The following FAM133B variants were observed in gnomAD, a reference collection of about 807,000 sequenced individuals.
FAM133B encodes the protein protein FAM133B.
In FAM133B, 25 loss-of-function variants were observed where a neutral mutation model predicts 46.4. The ratio of observed to expected loss-of-function variants is 0.54; its 90% CI spans 0.39 to 0.75. The LOEUF is 0.75. Ranked by LOEUF, FAM133B falls within the 30% of genes least tolerant of loss-of-function variation. The pLI, the probability that FAM133B is intolerant of heterozygous loss-of-function variation, is 0.00. For synonymous variants in FAM133B, 75 were observed against 86.0 expected (o/e 0.87, Z 0.71); for missense variants, 205 against 277.6 (o/e 0.74, Z 1.86).
intron 5 of FAM133B, chr7:92,577,942 C>G (rs953793252): frequency 1.1e-5 from 7 of 650,302 alleles, no homozygotes; most frequent in Non-Finnish European, 1.6e-5. Context: ...TAAATAGCAA[C>G]AGAAAATGTA....
At chr7:92,570,823 G>A (rs1422590039) in intron 8 of FAM133B, among the ~76,000 whole-genome samples, 1 of 152,036 alleles carries the variant, frequency 6.6e-6, no homozygotes, top group Non-Finnish European at 1.5e-5. Context: ...TGTTATTTTG[G>A]CCAAAATGTT....
chr7:92,584,078 G>C (rs1459074803), intron 1 of FAM133B, among the ~76,000 whole-genome samples: 1 of 130,296 alleles, frequency 7.7e-6, no homozygotes, highest in South Asian at 2.4e-4. Context: ...AAAAAAGAAA[G>C]GGTCTTGCTC....
chr7:92,589,998 C>G (rs1795148983), intron 1 of FAM133B: 1 of 549,510 alleles, frequency 1.8e-6, no homozygotes, highest in Non-Finnish European at 3.2e-6. Context: ...GGCCCGCGTA[C>G]AGCAGGCAAG....
rs1794758140 is a variant in FAM133B, at chr7:92,578,164, T to C, written c.295A>G (p.Lys99Glu). The change falls in exon 5 of 11, where the codon AAG becomes GAG. Residue 99 changes from lysine to glutamate, a missense_variant. By Grantham distance (56) the Lys-to-Glu change is moderately conservative. Coordinates refer to ENST00000445716, the MANE Select transcript of FAM133B (RefSeq NM_152789.4). ...KKRQRKKKEK[K>E]KSGRYSSSSS... Reference sequence around the variant, plus strand: ...TTTTTGCTCACCCTACCAGATTTCTTCTTTTCTTTTTTCTTTCTCTAAATG... The same window carrying C: ...TTTTTGCTCACCCTACCAGATTTCTCCTTTTCTTTTTTCTTTCTCTAAATG... 3.1e-6 allele frequency: 5 copies of C among 1,610,268 alleles called. No individual in the cohort carries two copies. The highest frequency in any genetic ancestry group is 1.3e-5 in the African/African-American group (1 of 74,662).
rs1794796550 is a variant in FAM133B, at chr7:92,579,340, C to T, written c.178G>A (p.Glu60Lys). ...KKKKGSKALA[E>K]FEEKMNENWK... The stretch of plus-strand genomic sequence containing the variant: ...ACCTCATTCATTTTTTCTTCAAATT[C>T]AGCCAAAGCCTTGGAGCCTTTCTTT... The change falls in exon 3 of 11, where the codon GAA becomes AAA. Residue 60 changes from glutamate (E) to lysine (K), a missense_variant. Physicochemically the swap from Glu to Lys is moderately conservative, Grantham distance 56. Coordinates refer to ENST00000445716, the MANE Select transcript of FAM133B (RefSeq NM_152789.4). The T allele has an allele frequency of 6.2e-7, 1 of 1,609,426 alleles. No homozygotes were observed. The highest frequency in any genetic ancestry group is 1.3e-5 in the African/African-American group (1 of 74,636).
At chr7:92,573,689 C>T (rs11971405) in intron 8 of FAM133B, among the ~76,000 whole-genome samples, 77 of 151,578 alleles carry the variant, frequency 5.1e-4, no homozygotes, top group African/African-American at 1.8e-3. Context: ...AGGGTAACCA[C>T]TTATTTTATA....
At chr7:92,565,150 T>A (rs891938439) in intron 10 of FAM133B, among the ~76,000 whole-genome samples, 1 of 71,674 alleles carries the variant, frequency 1.4e-5, no homozygotes, top group East Asian at 4.5e-4. Context: ...CTTATATTTC[T>A]TTTTTTTTTT....
Position 92,583,901 on chromosome 7 carries a change from T to G in FAM133B, c.25-2298A>C, listed in dbSNP as rs1429468656. Among the ~76,000 whole-genome samples, 2 of 151,552 alleles carry G rather than the reference T, an allele frequency of 1.3e-5. 1 individual carries two copies. Among genetic ancestry groups the G allele is most frequent in the Non-Finnish European group, 2.9e-5 (2 of 67,888 alleles). On this transcript the variant is annotated intron_variant, in intron 1 of 10. Coordinates refer to ENST00000445716, the MANE Select transcript of FAM133B (RefSeq NM_152789.4). Reference sequence around the variant, plus strand: ...CTGTCTCTACTAAAAACACAAAAATTAGCTGAGTGTGGTGGCGGGTGCCTA... The same window carrying G: ...CTGTCTCTACTAAAAACACAAAAATGAGCTGAGTGTGGTGGCGGGTGCCTA...
At chr7:92,564,554 C>T (rs76162647) in intron 10 of FAM133B, among the ~76,000 whole-genome samples, 8,249 of 152,290 alleles carry the variant, frequency 0.054, 292 homozygotes, top group Non-Finnish European at 0.08. Context: ...AAAACTTATT[C>T]GTCATCGTAG....
At chr7:92,585,317 T>C (rs1585316959) in intron 1 of FAM133B, 1 of 945,076 alleles carries the variant, frequency 1.1e-6, no homozygotes, top group African/African-American at 1.8e-5. Flanking sequence ...ATTTAACTGG[T>C]CTCAGGTTTT....
intron 9 of FAM133B, 88 bp from the exon 10 acceptor site, chr7:92,566,149 T>C: frequency 2.4e-6 from 3 of 1,233,568 alleles, no homozygotes; most frequent in Non-Finnish European, 3.5e-6. Context: ...ATCTTGCATC[T>C]TCAAAATTTA....
intron 8 of FAM133B, among the ~76,000 whole-genome samples, 172 bp from the exon 9 acceptor site, chr7:92,570,087 T>C (rs1794482278): frequency 6.6e-6 from 1 of 152,120 alleles, no homozygotes; most frequent in Non-Finnish European, 1.5e-5. Flanking sequence ...ACTAAAGCAA[T>C]ATTAAATATA....
At position 92,577,144 on chromosome 7, in the gene FAM133B, A is replaced by C; in HGVS notation, c.424T>G (p.Ser142Ala). The C allele has an allele frequency of 4.7e-6, 7 of 1,502,122 alleles. No homozygotes were observed. The highest frequency in any genetic ancestry group is 6.2e-6 in the Non-Finnish European group (7 of 1,123,176). 93.0% of individuals were successfully genotyped at this position (1,502,122 alleles called of 1,614,324 possible). A position where few individuals can be genotyped will look rare whatever the true frequency, so the allele number is the denominator to read the frequency against. The change falls in exon 7 of 11, where the codon TCT becomes GCT. Residue 142 changes from serine to alanine, a missense_variant. Coordinates refer to ENST00000445716, the MANE Select transcript of FAM133B (RefSeq NM_152789.4). ...RKKKKNRSHKSSESSMSETES... is the reference protein window; with the variant it reads ...RKKKKNRSHKASESSMSETES... ...GTTTCTGACATGGAGCTTTCAGAAG[A>C]TTTATGTGAACGGTTCTTCTTTTTC... is the stretch of plus-strand genomic sequence containing the variant.
chr7:92,587,006 G>A (rs935034531), intron 1 of FAM133B, among the ~76,000 whole-genome samples: 2 of 152,170 alleles, frequency 1.3e-5, no homozygotes, highest in African/African-American at 4.8e-5. Flanking sequence ...GTCGATGTAG[G>A]TTCATGAAAT....
chr7:92,570,781 A>G (rs924982060), intron 8 of FAM133B, among the ~76,000 whole-genome samples: 1 of 152,192 alleles, frequency 6.6e-6, no homozygotes, highest in African/African-American at 2.4e-5. Flanking sequence ...GCTAGATTAT[A>G]GCAGACTTCC....
chr7:92,582,964 C>T (rs1246146106), intron 1 of FAM133B, among the ~76,000 whole-genome samples: 1 of 152,160 alleles, frequency 6.6e-6, no homozygotes, highest in East Asian at 1.9e-4. Context: ...ACCACATGAT[C>T]CTATATCTAG....
At position 92,569,891 on chromosome 7, in the gene FAM133B, T is replaced by G. The variant is rs1218176131; in HGVS notation, c.541A>C (p.Arg181=). 7.0e-7 allele frequency: 1 copy of G among 1,419,962 alleles called. No individual in the cohort carries two copies. Among genetic ancestry groups the G allele is most frequent in the African/African-American group, 1.5e-5 (1 of 67,184 alleles). 88.0% of individuals were successfully genotyped at this position (1,419,962 alleles called of 1,614,324 possible). The change falls in exon 9 of 11, where the codon AGA becomes CGA. Residue 181 remains arginine, a synonymous_variant. Transcript: ENST00000445716. ...EKDIKGLSKK[R]KMYSEDKPLS... ...GGTTTATCTTCAGAATACATCTTTC[T>G]CTTTTTGCTGAGTCCTTTAATATCC... is the stretch of plus-strand genomic sequence containing the variant.
At chr7:92,577,623 T>C in intron 6 of FAM133B, 32 bp downstream of exon 6, 1 of 1,512,300 alleles carries the variant, frequency 6.6e-7, no homozygotes, top group African/African-American at 1.4e-5. Context: ...TTAAGAGATA[T>C]TATTTCATGA....
chr7:92,579,342 G>A lies in FAM133B; in HGVS notation c.176C>T (p.Ala59Val). The A allele has an allele frequency of 6.2e-7, 1 of 1,609,602 alleles. No homozygotes were observed. Among genetic ancestry groups the A allele is most frequent in the Non-Finnish European group, 8.5e-7 (1 of 1,178,846 alleles). Residue 59 changes from alanine (A) to valine (V), a missense_variant, in exon 3 of 11, where the codon GCT becomes GTT. Coordinates refer to ENST00000445716, the MANE Select transcript of FAM133B (RefSeq NM_152789.4). ...CTCATTCATTTTTTCTTCAAATTCA[G>A]CCAAAGCCTTGGAGCCTTTCTTTTT... ...EKKKKGSKAL[A>V]EFEEKMNENW...
Sources: gnomAD v4.1 joint callset for allele counts (sites outside exome capture counted in the v4.1 genomes callset) on GRCh38, gnomAD v4.1.1 for gene constraint, MANE v1.5 for transcripts, NCBI Gene and HGNC (gene_info 2026-07-23, HGNC 2026-07-21) for gene names.